Variants in C7orf57 observed in about 807,000 individuals in gnomAD.
C7orf57 encodes chromosome 7 open reading frame 57.
C7orf57 carries 33 observed loss-of-function variants against 39.0 expected under a neutral mutation model. The observed-to-expected ratio is 0.85, with a 90% CI of 0.64 to 1.13. The LOEUF is 1.13. Among genes scored for constraint, C7orf57 ranks in the 50% most tolerant of loss-of-function variants. C7orf57 has a pLI of 0.00. For missense variants in C7orf57, 346 were observed against 362.3 expected, an observed-to-expected ratio of 0.95 and a Z score of 0.37; for synonymous variants, 124 against 137.1, an observed-to-expected ratio of 0.90 and a Z score of 0.67.
chr7:48,038,955 C>T (rs1393977515), intron 2 of C7orf57, among the ~76,000 whole-genome samples: 1 of 152,042 alleles, frequency 6.6e-6, no homozygotes, highest in South Asian at 2.1e-4. Context: ...GACACGGAAT[C>T]GATAGAAAGG....
chr7:48,041,745 T>C (rs1027000913), intron 3 of C7orf57: 5 of 327,108 alleles, frequency 1.5e-5, no homozygotes, highest in Non-Finnish European at 2.8e-5. Context: ...ATTTCCTGTG[T>C]AGGATATTTC....
chr7:48,059,539 C>T (rs112994675), intron 8 of C7orf57, among the ~76,000 whole-genome samples: 3 of 152,082 alleles, frequency 2.0e-5, no homozygotes, highest in Non-Finnish European at 2.9e-5. Context: ...TTTGTAGGGA[C>T]GAGGTTTCGC....
At chr7:48,037,969 G>A (rs1433575113) in intron 2 of C7orf57, among the ~76,000 whole-genome samples, 1 of 152,084 alleles carries the variant, frequency 6.6e-6, no homozygotes, top group Non-Finnish European at 1.5e-5. Flanking sequence ...AACACAGAGC[G>A]GAAAAATAAT....
intron 7 of C7orf57, chr7:48,053,140 TTTTGGGGTTTCAC>T: frequency 1.5e-6 from 1 of 661,584 alleles, no homozygotes; most frequent in Non-Finnish European, 2.7e-6. Context: ...AAGTCATGAC[TTTTGGGGTTTCAC>T]ATTTTCTTTT....
chr7:48,051,209 T>G (rs555379982), intron 6 of C7orf57, among the ~76,000 whole-genome samples: 2 of 151,762 alleles, frequency 1.3e-5, no homozygotes, highest in South Asian at 4.2e-4. Context: ...TGAGATGGAG[T>G]CTTGCTCTGT....
intron 2 of C7orf57, among the ~76,000 whole-genome samples, chr7:48,038,383 T>TATAG (rs67831054): frequency 0.22 from 33,193 of 150,104 alleles, 3,924 homozygotes; most frequent in East Asian, 0.32. Context: ...TCTATATACA[T>TATAG]ATAGATAGAT....
intron 8 of C7orf57, 100 bp from the exon 9 acceptor site, chr7:48,060,126 T>G: frequency 1.4e-6 from 1 of 693,368 alleles, no homozygotes; most frequent in East Asian, 2.9e-5. Flanking sequence ...TCCTTATTAA[T>G]AGGTACAAAA....
chr7:48,052,710 A>G lies in C7orf57; in HGVS notation c.616A>G (p.Lys206Glu). The G allele has an allele frequency of 1.2e-6, 2 of 1,613,910 alleles. No individual in the cohort carries two copies. The highest frequency in any genetic ancestry group is 1.3e-5 in the African/African-American group (1 of 75,038). The change falls in exon 7 of 9, where the codon AAA becomes GAA. Residue 206 changes from lysine to glutamate, a missense_variant. Coordinates refer to ENST00000348904, the MANE Select transcript of C7orf57 (RefSeq NM_001100159.3). ...TTTACTCTTTTTAAGGCCTGGTCAA[A>G]AAAACAGTTCACCTACCAATTTTTC... ...RLSFPPVPGQ[K>E]NSSPTNFSKL...
At chr7:48,044,887 T>A (rs1049537455) in intron 4 of C7orf57, among the ~76,000 whole-genome samples, 2 of 152,186 alleles carry the variant, frequency 1.3e-5, no homozygotes, top group Non-Finnish European at 2.9e-5. Context: ...TTCAGGCCAT[T>A]TCCCCATTTT....
chr7:48,046,978 G>A (rs1790736281), intron 5 of C7orf57, among the ~76,000 whole-genome samples: 1 of 152,138 alleles, frequency 6.6e-6, no homozygotes, highest in Non-Finnish European at 1.5e-5. Context: ...TAAGTATTAA[G>A]AGTTTTCTGG....
chr7:48,057,520 G>A (rs546213659), intron 8 of C7orf57, among the ~76,000 whole-genome samples: 147 of 152,086 alleles, frequency 9.7e-4, no homozygotes, highest in Admixed American at 1.7e-3. Context: ...GTTTTTTGGT[G>A]GAGTCTTTAG....
intron 8 of C7orf57, among the ~76,000 whole-genome samples, chr7:48,056,913 C>T (rs1011229499): frequency 9.2e-5 from 14 of 152,060 alleles, no homozygotes; most frequent in Non-Finnish European, 4.4e-5. Context: ...GTGTTCTTGG[C>T]ACCTTTGTTG....
intron 8 of C7orf57, among the ~76,000 whole-genome samples, chr7:48,056,607 T>C (rs868468384): frequency 1.3e-5 from 2 of 152,152 alleles, no homozygotes; most frequent in African/African-American, 4.8e-5. Flanking sequence ...AAATGCTCAT[T>C]GGAACATTTC....
At chr7:48,038,189 TG>T (rs1211689888) in intron 2 of C7orf57, among the ~76,000 whole-genome samples, 1 of 152,188 alleles carries the variant, frequency 6.6e-6, no homozygotes, top group Non-Finnish European at 1.5e-5. Flanking sequence ...CTTAAAAGAT[TG>T]TCTGTATTAA....
At chr7:48,048,315 C>T (rs1051474846) in intron 5 of C7orf57, among the ~76,000 whole-genome samples, 1 of 152,276 alleles carries the variant, frequency 6.6e-6, no homozygotes, top group Middle Eastern at 3.4e-3. Flanking sequence ...ACATCATGGG[C>T]GTGGGCCAGC....
intron 2 of C7orf57, among the ~76,000 whole-genome samples, chr7:48,040,873 T>G (rs1790527656): frequency 6.6e-6 from 1 of 152,248 alleles, no homozygotes; most frequent in Non-Finnish European, 1.5e-5. Flanking sequence ...ACATACTAAA[T>G]TTAGCAAATC....
At chr7:48,043,390 C>T (rs924676203) in intron 3 of C7orf57, 91 bp from the exon 4 acceptor site, 8 of 913,812 alleles carry the variant, frequency 8.8e-6, no homozygotes, top group African/African-American at 5.0e-5. Context: ...ACCTACAGTT[C>T]GCCTTGTAAA....
At chr7:48,050,662 T>C (rs532998980) in intron 6 of C7orf57, among the ~76,000 whole-genome samples, 24 of 152,326 alleles carry the variant, frequency 1.6e-4, no homozygotes, top group Admixed American at 9.8e-4. Context: ...TTTATATATA[T>C]GTAAGTATAT....
chr7:48,052,951 A>T (rs756507199), intron 7 of C7orf57, 28 bp downstream of exon 7: 1 of 1,556,334 alleles, frequency 6.4e-7, no homozygotes, highest in Non-Finnish European at 8.9e-7. Flanking sequence ...ATCTGCATTT[A>T]TTGGAGGCTT....
Sources: gnomAD v4.1 joint callset for allele counts (sites outside exome capture counted in the v4.1 genomes callset) on GRCh38, gnomAD v4.1.1 for gene constraint, MANE v1.5 for transcripts, NCBI Gene and HGNC (gene_info 2026-07-23, HGNC 2026-07-21) for gene names.